The following RPL39L variants were observed in gnomAD, a reference collection of about 807,000 sequenced individuals.
RPL39L encodes the protein ribosomal protein eL39-like 2.
For missense variants in RPL39L, 48 were observed against 58.9 expected (o/e 0.81, Z 0.61); for synonymous variants, 16 against 20.1 (o/e 0.80, Z 0.55).
chr3:187,134,884 A>C (rs1296194990), intron 1 of RPL39L, among the ~76,000 whole-genome samples: 1 of 152,186 alleles, frequency 6.6e-6, no homozygotes, highest in Non-Finnish European at 1.5e-5. Flanking sequence ...GGGATTCCCA[A>C]ATATTTTGCA....
Position 187,121,002 on chromosome 3 carries a change from G to C in RPL39L, c.*143C>G. 1 of 866,482 alleles carries C rather than the reference G, an allele frequency of 1.2e-6. No individual in the cohort carries two copies. The highest frequency in any genetic ancestry group is 1.6e-5 in the South Asian group (1 of 63,112). The allele number at this position is 866,482 out of a possible 1,614,324, so 53.7% of individuals were successfully genotyped here. A position where few individuals can be genotyped will look rare whatever the true frequency, so the allele number is the denominator to read the frequency against. On this transcript the variant is annotated 3_prime_UTR_variant, in exon 3 of 3. Transcript: ENST00000296277. Reference sequence around the variant, plus strand: ...TTACTGAATCCACCCTACTAGCACAGAGCATACAGAAAAACAGAAAAAAAT... The same window carrying C: ...TTACTGAATCCACCCTACTAGCACACAGCATACAGAAAAACAGAAAAAAAT...
Position 187,129,650 on chromosome 3 carries a change from C to G in RPL39L, c.-92-1588G>C, listed in dbSNP as rs180670932. On this transcript the variant is annotated intron_variant, in intron 1 of 2. Coordinates refer to ENST00000296277, the MANE Select transcript of RPL39L (RefSeq NM_052969.3). ...CTGGTCTTAAGGATAAAATATGCTA[C>G]AGTAAAGCACAAAATATGTAGTACC... Among the ~76,000 whole-genome samples the G allele has an allele frequency of 5.9e-5, 9 of 152,298 alleles. No individual in the cohort carries two copies. The East Asian group carries it at 1.2e-3, about 20-fold the overall frequency.
intron 2 of RPL39L, among the ~76,000 whole-genome samples, chr3:187,126,329 T>C (rs1411557966): frequency 6.6e-6 from 1 of 151,940 alleles, no homozygotes; most frequent in African/African-American, 2.4e-5. Context: ...ACCCGGCTAA[T>C]TTTTTTATAT....
chr3:187,126,318 C>A (rs1213528592), intron 2 of RPL39L, among the ~76,000 whole-genome samples: 1 of 152,016 alleles, frequency 6.6e-6, no homozygotes, highest in Non-Finnish European at 1.5e-5. Context: ...CCTGCCACTA[C>A]ACCCGGCTAA....
intron 1 of RPL39L, among the ~76,000 whole-genome samples, chr3:187,128,840 T>C (rs1720441070): frequency 6.6e-6 from 1 of 152,220 alleles, no homozygotes; most frequent in Admixed American, 6.5e-5. Flanking sequence ...CAAAAACATA[T>C]GCAGTTGGGT....
intron 1 of RPL39L, among the ~76,000 whole-genome samples, chr3:187,134,727 T>A (rs985600996): frequency 3.3e-5 from 5 of 152,162 alleles, no homozygotes; most frequent in South Asian, 2.1e-4. Context: ...AATGTTGAAT[T>A]GTGTAGTTAA....
At position 187,131,951 on chromosome 3, in the gene RPL39L, C is replaced by G. The variant is rs145236117; in HGVS notation, c.-92-3889G>C. On this transcript the variant is annotated intron_variant, in intron 1 of 2. Transcript: ENST00000296277. ...AATAGGAAGATATCACATACACAGA[C>G]TATAAGCTCCTCAAGAGGTTATATT... is the stretch of plus-strand genomic sequence containing the variant. 4.2e-3 allele frequency among the ~76,000 whole-genome samples: 645 copies of G among 152,292 alleles called. 7 individuals are homozygous for G. The highest frequency in any genetic ancestry group is 7.6e-3 in the Non-Finnish European group (516 of 68,012).
At chr3:187,138,341 G>A (rs1299682492) in intron 1 of RPL39L, among the ~76,000 whole-genome samples, 1 of 152,154 alleles carries the variant, frequency 6.6e-6, no homozygotes, top group Admixed American at 6.5e-5. Context: ...GTGACTGCAC[G>A]GGTGGGACCC....
intron 1 of RPL39L, among the ~76,000 whole-genome samples, chr3:187,133,093 C>T (rs1410783598): frequency 1.3e-5 from 2 of 152,204 alleles, no homozygotes; most frequent in Non-Finnish European, 2.9e-5. Context: ...TTTGCTTCCA[C>T]TTTCAGTCTC....
chr3:187,137,611 G>A (rs1285659692), intron 1 of RPL39L, among the ~76,000 whole-genome samples: 2 of 151,316 alleles, frequency 1.3e-5, no homozygotes, highest in Non-Finnish European at 2.9e-5. Context: ...TCAGGAATTC[G>A]AGACCAGCCT....
intron 2 of RPL39L, among the ~76,000 whole-genome samples, chr3:187,127,078 G>T (rs1409771898): frequency 6.6e-6 from 1 of 152,102 alleles, no homozygotes; most frequent in Admixed American, 6.5e-5. Flanking sequence ...TCCACAAAAT[G>T]ACATTTCAAG....
At chr3:187,133,412 T>A (rs1392198149) in intron 1 of RPL39L, among the ~76,000 whole-genome samples, 1 of 152,120 alleles carries the variant, frequency 6.6e-6, no homozygotes, top group Non-Finnish European at 1.5e-5. Context: ...AAGACGTGCT[T>A]TGCTTCCCCT....
intron 1 of RPL39L, among the ~76,000 whole-genome samples, chr3:187,136,719 G>C (rs1462437890): frequency 2.6e-5 from 4 of 152,094 alleles, no homozygotes; most frequent in South Asian, 2.1e-4. Context: ...CAAAACTTTT[G>C]TAATAGTGTT....
chr3:187,134,593 T>C (rs994845220), intron 1 of RPL39L, among the ~76,000 whole-genome samples: 5 of 152,096 alleles, frequency 3.3e-5, no homozygotes, highest in African/African-American at 1.2e-4. Context: ...TCACAAATTA[T>C]TGTATGCCCA....
chr3:187,138,055 T>C (rs1285509792), intron 1 of RPL39L, among the ~76,000 whole-genome samples: 1 of 152,188 alleles, frequency 6.6e-6, no homozygotes, highest in African/African-American at 2.4e-5. Context: ...AAAGCCTTTA[T>C]GATTCCAACA....
At chr3:187,128,338 T>C (rs1720432720) in intron 1 of RPL39L, among the ~76,000 whole-genome samples, 1 of 152,192 alleles carries the variant, frequency 6.6e-6, no homozygotes, top group Non-Finnish European at 1.5e-5. Flanking sequence ...TGTACACCTG[T>C]TTCTTGTGTT....
intron 1 of RPL39L, among the ~76,000 whole-genome samples, chr3:187,128,692 G>C (rs1579412037): frequency 1.3e-5 from 2 of 152,136 alleles, no homozygotes; most frequent in Non-Finnish European, 2.9e-5. Context: ...AGTTATTATA[G>C]TTACTGATTC....
At chr3:187,137,720 C>T (rs1191968237) in intron 1 of RPL39L, among the ~76,000 whole-genome samples, 1 of 150,356 alleles carries the variant, frequency 6.7e-6, no homozygotes, top group Non-Finnish European at 1.5e-5. Flanking sequence ...CCCAGCTACT[C>T]GGGAGGCTGA....
intron 1 of RPL39L, among the ~76,000 whole-genome samples, chr3:187,129,001 C>T (rs140514936): frequency 8.9e-4 from 135 of 152,338 alleles, no homozygotes; most frequent in African/African-American, 2.4e-3. Flanking sequence ...AACGTCCTCT[C>T]CTTCCACTGT....
Sources: allele counts gnomAD v4.1 joint callset (sites outside exome capture counted in the v4.1 genomes callset), GRCh38; gene constraint gnomAD v4.1.1; transcripts MANE v1.5; gene names NCBI Gene and HGNC (gene_info 2026-07-23, HGNC 2026-07-21).